The following KHDRBS1 variants were observed in gnomAD, a reference collection of about 807,000 sequenced individuals.
The protein encoded by KHDRBS1 is KH RNA binding domain containing, signal transduction associated 1, also known as KH domain-containing, RNA-binding, signal transduction-associated protein 1.
In KHDRBS1, 7 loss-of-function variants were observed where a neutral mutation model predicts 48.4. The ratio of observed to expected loss-of-function variants is 0.14; its 90% CI spans 0.08 to 0.27. KHDRBS1 has a LOEUF of 0.27. Ranked by LOEUF, KHDRBS1 falls within the 10% of genes least tolerant of loss-of-function variation. The probability of loss-of-function intolerance (pLI) is 1.00; values close to 1 mark genes in which losing one functional copy is unlikely to be tolerated. For missense variants in KHDRBS1, 458 were observed against 601.2 expected (o/e 0.76, Z 2.49); for synonymous variants, 241 against 235.8 (o/e 1.02, Z -0.20).
Position 32,026,164 on chromosome 1 carries a change from A to C in KHDRBS1, c.383-4134A>C, listed in dbSNP as rs1432219705. On this transcript the variant is annotated intron_variant, in intron 1 of 8. Coordinates refer to ENST00000327300, the MANE Select transcript of KHDRBS1 (RefSeq NM_006559.3). ...AAATGATCCTTCTCTGAATTCTCTAAAAATGCTTTCCTTTGCTTTTTTGAG... is the reference window on the plus strand; with the variant it reads ...AAATGATCCTTCTCTGAATTCTCTACAAATGCTTTCCTTTGCTTTTTTGAG... 5.3e-5 allele frequency among the ~76,000 whole-genome samples: 8 copies of C among 151,864 alleles called. No individual in the cohort carries two copies. The East Asian group carries it at 1.5e-3, about 29-fold the overall frequency.
intron 1 of KHDRBS1, among the ~76,000 whole-genome samples, chr1:32,025,248 G>A (rs1046428711): frequency 2.2e-5 from 3 of 136,836 alleles, no homozygotes; most frequent in Non-Finnish European, 3.1e-5. Flanking sequence ...CTGGGTGACA[G>A]AGTGAGACCC....
At chr1:32,017,856 C>G (rs991400530) in intron 1 of KHDRBS1, among the ~76,000 whole-genome samples, 1 of 151,934 alleles carries the variant, frequency 6.6e-6, no homozygotes. Context: ...ATCCGCCTGC[C>G]TCGGCCTCCC....
In KHDRBS1 at chr1:32,036,163, A is replaced by AT. The variant is rs397742842; in HGVS notation, c.772-721dup. On this transcript the variant is annotated intron_variant, in intron 4 of 8. Coordinates refer to ENST00000327300, the MANE Select transcript of KHDRBS1 (RefSeq NM_006559.3). ...TACTTATTTCAGGGTCATTTTGAAG[A>AT]TTTTTTTTTTTTTTTTTTTTTTTTT... is the stretch of plus-strand genomic sequence containing the variant. Among the ~76,000 whole-genome samples, 513 of 60,456 alleles carry AT rather than the reference A, an allele frequency of 8.5e-3. 37 individuals are homozygous for AT. Among genetic ancestry groups the AT allele is most frequent in the East Asian group, 0.022 (45 of 2,004 alleles). The allele number at this position is 60,456 out of a possible 152,430, so 39.7% of individuals were successfully genotyped here. A position where few individuals can be genotyped will look rare whatever the true frequency, so the allele number is the denominator to read the frequency against.
At chr1:32,018,887 A>G (rs1035512316) in intron 1 of KHDRBS1, among the ~76,000 whole-genome samples, 28 of 152,212 alleles carry the variant, frequency 1.8e-4, no homozygotes, top group Admixed American at 1.3e-4. Flanking sequence ...TCTGACCAAC[A>G]TGGTGAAACC....
intron 10 of KHDRBS1, among the ~76,000 whole-genome samples, chr1:32,053,953 G>T (rs1008617176): frequency 6.6e-6 from 1 of 152,040 alleles, no homozygotes; most frequent in African/African-American, 2.4e-5. Flanking sequence ...GCGTGGTGGC[G>T]CATGCCTGTA....
intron 3 of KHDRBS1, among the ~76,000 whole-genome samples, chr1:32,031,919 CTG>C (rs1396379318): frequency 6.6e-6 from 1 of 152,104 alleles, no homozygotes; most frequent in African/African-American, 2.4e-5. Context: ...GTAGGATTGT[CTG>C]TGAAAACTTG....
At chr1:32,018,022 A>G (rs1039505653) in intron 1 of KHDRBS1, among the ~76,000 whole-genome samples, 1 of 152,274 alleles carries the variant, frequency 6.6e-6, no homozygotes, top group African/African-American at 2.4e-5. Flanking sequence ...TCAAAAATCC[A>G]TCCTTCAAAA....
intron 5 of KHDRBS1, 151 bp from the exon 6 acceptor site, chr1:32,037,684 G>T: frequency 1.2e-6 from 1 of 827,236 alleles, no homozygotes; most frequent in South Asian, 1.6e-5. Context: ...TGCAGTGTGG[G>T]TCCTTTACCC....
downstream of KHDRBS1, among the ~76,000 whole-genome samples, chr1:32,044,415 G>A (rs928374455): frequency 1.3e-5 from 2 of 152,208 alleles, no homozygotes; most frequent in Non-Finnish European, 2.9e-5. Flanking sequence ...TGGCATGATA[G>A]GCTGGCTCTG....
chr1:32,027,501 C>T (rs1638998704), intron 1 of KHDRBS1, among the ~76,000 whole-genome samples: 1 of 152,216 alleles, frequency 6.6e-6, no homozygotes, highest in African/African-American at 2.4e-5. Flanking sequence ...TGAAGCATTA[C>T]TCTGTTAACT....
downstream of KHDRBS1, among the ~76,000 whole-genome samples, chr1:32,047,316 G>A (rs1370146859): frequency 2.6e-5 from 4 of 152,086 alleles, no homozygotes; most frequent in Admixed American, 6.6e-5. Flanking sequence ...ACACCACCAC[G>A]CCTGGATAAT....
intron 1 of KHDRBS1, 34 bp downstream of exon 1, chr1:32,014,411 C>A: frequency 1.5e-6 from 2 of 1,297,230 alleles, no homozygotes; most frequent in East Asian, 3.1e-5. Flanking sequence ...CTGGGTCGCC[C>A]GGCCATCCCG....
At chr1:32,018,416 G>A (rs1004907624) in intron 1 of KHDRBS1, among the ~76,000 whole-genome samples, 3 of 151,852 alleles carry the variant, frequency 2.0e-5, no homozygotes, top group Non-Finnish European at 2.9e-5. Flanking sequence ...AGCCAAGATC[G>A]CACCACTGCA....
Position 32,042,558 on chromosome 1 carries a change from G to A in KHDRBS1, c.1266G>A (p.Ser422=), listed in dbSNP as rs780046000. The A allele has an allele frequency of 2.7e-5, 43 of 1,613,610 alleles. No homozygotes were observed. The highest frequency in any genetic ancestry group is 5.5e-5 in the South Asian group (5 of 91,070). ...ACGACTGGAATGGGACCAGGCCGTC[G>A]CTGAAGGCCCCTCCTGCTAGGCCAG... The part of the protein sequence containing the change: ...GQDDWNGTRP[S]LKAPPARPVK... The change falls in exon 9 of 9, where the codon TCG becomes TCA. Residue 422 remains serine (S), a synonymous_variant. Coordinates refer to ENST00000327300, the MANE Select transcript of KHDRBS1 (RefSeq NM_006559.3).
intron 10 of KHDRBS1, among the ~76,000 whole-genome samples, chr1:32,055,968 G>GT (rs1311045688): frequency 6.6e-5 from 10 of 152,100 alleles, no homozygotes; most frequent in Admixed American, 6.6e-4. Flanking sequence ...AGCACTCTCT[G>GT]TTTTTTTGTT....
downstream of KHDRBS1, among the ~76,000 whole-genome samples, chr1:32,045,913 A>C (rs1279249259): frequency 6.6e-6 from 1 of 152,164 alleles, no homozygotes; most frequent in African/African-American, 2.4e-5. Context: ...GGAATATCAG[A>C]CTGGATTAGC....
Position 32,042,862 on chromosome 1 carries a change from TGTA to T in KHDRBS1, c.*240_*242del, listed in dbSNP as rs1639305288. The T allele has an allele frequency of 3.2e-6, 1 of 315,744 alleles. No homozygotes were observed. The highest frequency in any genetic ancestry group is 4.6e-5 in the Admixed American group (1 of 21,812). 19.6% of individuals were successfully genotyped at this position (315,744 alleles called of 1,614,324 possible). On this transcript the variant is annotated 3_prime_UTR_variant, in exon 9 of 9. Transcript: ENST00000327300. ...GAATATTGAATTAATTTTTTAAGTG[TGTA>T]GATGCTTTTTTCTTTGTTGTTTAAA...
chr1:32,022,170 T>G (rs1355941861), intron 1 of KHDRBS1, among the ~76,000 whole-genome samples: 2 of 151,848 alleles, frequency 1.3e-5, no homozygotes, highest in African/African-American at 4.8e-5. Flanking sequence ...TTTAAATCTT[T>G]AGTAGAGACA....
chr1:32,037,124 A>G (rs2124384098), intron 5 of KHDRBS1, 81 bp downstream of exon 5: 2 of 1,460,230 alleles, frequency 1.4e-6, no homozygotes, highest in Non-Finnish European at 1.9e-6. Context: ...TCTTATGTCT[A>G]GCTTAGGAAG....
Sources: gnomAD v4.1 joint callset for allele counts (sites outside exome capture counted in the v4.1 genomes callset) on GRCh38, gnomAD v4.1.1 for gene constraint, MANE v1.5 for transcripts, NCBI Gene and HGNC (gene_info 2026-07-23, HGNC 2026-07-21) for gene names.